NRXN1: variants seen among roughly 807,000 people sequenced by gnomAD.
NRXN1 encodes the protein neurexin-1.
In NRXN1, 39 loss-of-function variants were observed where a neutral mutation model predicts 150.9. That is an observed-to-expected ratio of 0.26 (90% CI 0.20 to 0.34). The LOEUF is 0.34. Ranked by LOEUF, NRXN1 falls within the 10% of genes least tolerant of loss-of-function variation. The probability of loss-of-function intolerance (pLI) is 1.00; values close to 1 mark genes in which losing one functional copy is unlikely to be tolerated. For synonymous variants in NRXN1, 924 were observed against 757.0 expected (o/e 1.22, Z -3.62); for missense variants, 1,815 against 1,949.9 (o/e 0.93, Z 1.30).
At chr2:50,757,806 A>G (rs1030647474) in intron 5 of NRXN1, among the ~76,000 whole-genome samples, 3 of 151,476 alleles carry the variant, frequency 2.0e-5, no homozygotes, top group Admixed American at 6.6e-5. Context: ...ACAATTCTCA[A>G]TATTGATGCA....
At chr2:50,224,691 GAA>G (rs1491179382) in intron 18 of NRXN1, among the ~76,000 whole-genome samples, 3 of 94,966 alleles carry the variant, frequency 3.2e-5, no homozygotes, top group African/African-American at 4.6e-5. Flanking sequence ...GAGAGAGGGA[GAA>G]AGAGAGAGAG....
intron 18 of NRXN1, among the ~76,000 whole-genome samples, chr2:50,120,896 ATCTGT>A (rs1450888379): frequency 6.6e-6 from 1 of 152,198 alleles, no homozygotes; most frequent in Non-Finnish European, 1.5e-5. Flanking sequence ...ATTTGATGAG[ATCTGT>A]TGACTAAATG....
chr2:50,104,841 A>T (rs1269555595), intron 18 of NRXN1, among the ~76,000 whole-genome samples: 2 of 151,982 alleles, frequency 1.3e-5, no homozygotes, highest in Non-Finnish European at 2.9e-5. Flanking sequence ...TGGTATTAAT[A>T]AGGCTCTTTG....
At chr2:50,595,356 T>C (rs1456400543) in intron 8 of NRXN1, among the ~76,000 whole-genome samples, 2 of 151,846 alleles carry the variant, frequency 1.3e-5, no homozygotes, top group African/African-American at 4.8e-5. Context: ...TCTGTACTAC[T>C]TTTTTGCAAG....
intron 8 of NRXN1, among the ~76,000 whole-genome samples, chr2:50,561,038 T>G (rs1460603351): frequency 6.6e-6 from 1 of 152,128 alleles, no homozygotes; most frequent in Non-Finnish European, 1.5e-5. Context: ...GAAAAATATT[T>G]TTACCTAGTC....
At chr2:50,619,605 C>T (rs763145740) in intron 8 of NRXN1, 1 of 290,932 alleles carries the variant, frequency 3.4e-6, no homozygotes, top group South Asian at 1.6e-4. Flanking sequence ...ATAGTCGTTG[C>T]TTCTCCTATA....
intron 5 of NRXN1, among the ~76,000 whole-genome samples, chr2:50,634,563 G>A (rs574898916): frequency 1.6e-4 from 24 of 152,274 alleles, no homozygotes; most frequent in African/African-American, 5.8e-4. Context: ...TTCATCTACT[G>A]CTTTTAACCA....
chr2:50,973,793 TA>T, intron 2 of NRXN1, among the ~76,000 whole-genome samples: 1 of 152,284 alleles, frequency 6.6e-6, no homozygotes, highest in East Asian at 1.9e-4. Flanking sequence ...TTTATAATTG[TA>T]GCTTCATATT....
At position 50,322,003 on chromosome 2, in the gene NRXN1, C is replaced by T. The variant is rs142027388; in HGVS notation, c.3365-85033G>A. ...TGCTTAGATTAGCAAAGTGGTCTACCTGTGATCACAGACGTAAAAAATTAC... is the reference window on the plus strand; with the variant it reads ...TGCTTAGATTAGCAAAGTGGTCTACTTGTGATCACAGACGTAAAAAATTAC... On this transcript the variant is annotated intron_variant, in intron 17 of 22. Transcript: ENST00000401669. Among the ~76,000 whole-genome samples, 81 of 148,870 alleles carry T rather than the reference C, an allele frequency of 5.4e-4. 3 individuals carry two copies. The East Asian group carries it at 0.015, about 28-fold the overall frequency.
chr2:50,881,067 G>T (rs983937), intron 5 of NRXN1, among the ~76,000 whole-genome samples: 146,963 of 152,046 alleles, frequency 0.97, 71,059 homozygotes, highest in East Asian at 1. Flanking sequence ...ATTTATTAAA[G>T]CAACTTTAAA....
chr2:50,233,104 T>C (rs895841198), intron 18 of NRXN1, among the ~76,000 whole-genome samples: 1 of 152,138 alleles, frequency 6.6e-6, no homozygotes, highest in Non-Finnish European at 1.5e-5. Flanking sequence ...TAAGCCACAG[T>C]ATTTTCAATG....
chr2:50,544,862 T>C (rs1046781736), intron 9 of NRXN1, among the ~76,000 whole-genome samples: 5 of 152,106 alleles, frequency 3.3e-5, no homozygotes, highest in Admixed American at 6.6e-5. Flanking sequence ...TGTTCTTCCA[T>C]AGAGAAATGC....
intron 18 of NRXN1, among the ~76,000 whole-genome samples, chr2:50,093,951 C>A (rs1252327121): frequency 6.6e-6 from 1 of 152,184 alleles, no homozygotes; most frequent in Non-Finnish European, 1.5e-5. Flanking sequence ...CATCCTATAG[C>A]TGTAGCTAGC....
intron 5 of NRXN1, among the ~76,000 whole-genome samples, chr2:50,726,705 AC>A (rs1400570349): frequency 6.6e-5 from 10 of 152,184 alleles, no homozygotes; most frequent in African/African-American, 2.2e-4. Flanking sequence ...AATTATATTA[AC>A]ACTTGAAATA....
chr2:50,657,282 A>G (rs1445061371), intron 5 of NRXN1, among the ~76,000 whole-genome samples: 3 of 151,938 alleles, frequency 2.0e-5, no homozygotes, highest in Non-Finnish European at 4.4e-5. Flanking sequence ...CTGCCTGCTA[A>G]ATTCCTCTCC....
intron 18 of NRXN1, among the ~76,000 whole-genome samples, chr2:50,234,530 T>C (rs894931178): frequency 5.3e-5 from 8 of 151,996 alleles, no homozygotes; most frequent in African/African-American, 1.9e-4. Context: ...TGGAAAGAAA[T>C]GACTTATCTC....
chr2:50,157,228 T>C (rs1334986845), intron 18 of NRXN1, among the ~76,000 whole-genome samples: 2 of 151,984 alleles, frequency 1.3e-5, no homozygotes, highest in Non-Finnish European at 2.9e-5. Context: ...AAGATATGCA[T>C]GCATTCCCAA....
chr2:50,852,578 G>A (rs1037448327), intron 5 of NRXN1, among the ~76,000 whole-genome samples: 11 of 152,078 alleles, frequency 7.2e-5, no homozygotes, highest in African/African-American at 2.7e-4. Flanking sequence ...CTGTTTTACT[G>A]CTTAAGAAGG....
chr2:50,475,013 G>A (rs2089874781), intron 15 of NRXN1, among the ~76,000 whole-genome samples: 1 of 151,970 alleles, frequency 6.6e-6, no homozygotes. Flanking sequence ...TACATTTCTT[G>A]TACATCAGAG....
Sources: gnomAD v4.1 joint callset for allele counts (sites outside exome capture counted in the v4.1 genomes callset) on GRCh38, gnomAD v4.1.1 for gene constraint, MANE v1.5 for transcripts, NCBI Gene and HGNC (gene_info 2026-07-23, HGNC 2026-07-21) for gene names.